TGFA: variants seen among roughly 807,000 people sequenced by gnomAD.
TGFA encodes protransforming growth factor alpha.
A neutral mutation model predicts 21.7 loss-of-function variants in TGFA; 12 were observed. The ratio of observed to expected loss-of-function variants is 0.55; its 90% confidence interval spans 0.35 to 0.90. The LOEUF is 0.90. Among genes scored for constraint, TGFA ranks in the 40% least tolerant of loss-of-function variants. TGFA has a pLI of 0.01. For synonymous variants in TGFA, 79 were observed against 88.1 expected (o/e 0.90, Z 0.58); for missense variants, 178 against 210.8 (o/e 0.84, Z 0.96).
chr2:70,514,760 T>A, intron 2 of TGFA, 99 bp downstream of exon 2: 1 of 1,287,586 alleles, frequency 7.8e-7, no homozygotes, highest in Non-Finnish European at 1.1e-6. Flanking sequence ...GTGTGCTCGG[T>A]GGGCAGGAGG....
At chr2:70,544,547 G>T (rs1673233176) in intron 1 of TGFA, among the ~76,000 whole-genome samples, 1 of 152,116 alleles carries the variant, frequency 6.6e-6, no homozygotes, top group Non-Finnish European at 1.5e-5. Context: ...TCCCACATTA[G>T]AACACAGGTC....
rs1348390522 is a variant in TGFA, at chr2:70,553,488, G to T, written c.40+240C>A. ...CACACTCCGCTTCCCCTTCCCAGGTGTTCTCACGCACGGCCCAGGCAGCCA... is the reference window on the plus strand; with the variant it reads ...CACACTCCGCTTCCCCTTCCCAGGTTTTCTCACGCACGGCCCAGGCAGCCA... On this transcript the variant is annotated intron_variant, in intron 1 of 5. Coordinates refer to ENST00000295400, the MANE Select transcript of TGFA (RefSeq NM_003236.4). 2.9e-6 allele frequency: 4 copies of T among 1,398,526 alleles called. No individual in the cohort carries two copies. In the Admixed American group the frequency reaches 1.3e-4, roughly 45 times the overall value. 86.6% of individuals were successfully genotyped at this position (1,398,526 alleles called of 1,614,324 possible). A position where few individuals can be genotyped will look rare whatever the true frequency, so the allele number is the denominator to read the frequency against.
chr2:70,532,946 G>T (rs1301320442), intron 1 of TGFA, among the ~76,000 whole-genome samples: 3 of 150,752 alleles, frequency 2.0e-5, no homozygotes, highest in Non-Finnish European at 2.9e-5. Context: ...CTGCAGCCTC[G>T]ACCTCCCTGG....
At chr2:70,484,475 T>C (rs17005682) in intron 2 of TGFA, among the ~76,000 whole-genome samples, 9,386 of 152,264 alleles carry the variant, frequency 0.062, 362 homozygotes, top group Middle Eastern at 0.12. Flanking sequence ...TTATTGAGCC[T>C]ATTTGTTTAT....
At chr2:70,478,899 A>T (rs2122129) in intron 2 of TGFA, among the ~76,000 whole-genome samples, 79,514 of 151,842 alleles carry the variant, frequency 0.52, 20,997 homozygotes, top group East Asian at 0.61. Context: ...TTTACATTTT[A>T]AAAAAATTTA....
intron 2 of TGFA, among the ~76,000 whole-genome samples, chr2:70,484,129 A>G (rs1671205440): frequency 6.6e-6 from 1 of 152,170 alleles, no homozygotes; most frequent in Non-Finnish European, 1.5e-5. Context: ...TCTCACTTCT[A>G]TAGCACATAT....
chr2:70,455,462 C>T (rs1000166490), intron 4 of TGFA, among the ~76,000 whole-genome samples: 1 of 152,216 alleles, frequency 6.6e-6, no homozygotes, highest in Non-Finnish European at 1.5e-5. Flanking sequence ...ACTGTCTCCA[C>T]CATGAGTTAA....
intron 1 of TGFA, among the ~76,000 whole-genome samples, chr2:70,533,067 C>T (rs1053147719): frequency 6.6e-6 from 1 of 151,828 alleles, no homozygotes; most frequent in African/African-American, 2.4e-5. Context: ...AGGGTTTCAC[C>T]ATATTGCCTG....
At chr2:70,492,734 C>G (rs1259285244) in intron 2 of TGFA, among the ~76,000 whole-genome samples, 4 of 152,100 alleles carry the variant, frequency 2.6e-5, no homozygotes, top group African/African-American at 9.7e-5. Flanking sequence ...ACTTCAAAAC[C>G]CAGGTTCCAT....
At chr2:70,468,338 G>C (rs1034206002) in intron 2 of TGFA, 21 of 152,254 alleles carry the variant, frequency 1.4e-4, no homozygotes, top group African/African-American at 5.1e-4. Flanking sequence ...CTGCAGGACT[G>C]CTGGGTCCAG....
At position 70,489,574 on chromosome 2, in the gene TGFA, C is replaced by T. The variant is rs113191128; in HGVS notation, c.95-23838G>A. Among the ~76,000 whole-genome samples the T allele has an allele frequency of 8.1e-3, 1,234 of 152,258 alleles. 15 individuals carry two copies. Among genetic ancestry groups the T allele is most frequent in the African/African-American group, 0.028 (1,178 of 41,534 alleles). On this transcript the variant is annotated intron_variant, in intron 2 of 5. Coordinates refer to ENST00000295400, the MANE Select transcript of TGFA (RefSeq NM_003236.4). ...ATGTCTGAGAGAGGGGCTTTTCCTT[C>T]GGTGCTTACAAATAAAATACAAAAA... is the stretch of plus-strand genomic sequence containing the variant.
intron 1 of TGFA, among the ~76,000 whole-genome samples, chr2:70,538,057 T>C (rs939518575): frequency 4.6e-5 from 7 of 152,228 alleles, no homozygotes; most frequent in Non-Finnish European, 7.3e-5. Context: ...AAAGTCCTTA[T>C]GCTATATCTA....
chr2:70,521,621 T>TTG (rs1553502309), intron 1 of TGFA, among the ~76,000 whole-genome samples: 7 of 127,060 alleles, frequency 5.5e-5, no homozygotes, highest in Non-Finnish European at 1.7e-5. Flanking sequence ...TTGTTTGTTT[T>TTG]TTTTTTTTTT....
chr2:70,485,900 A>G (rs1399353290), intron 2 of TGFA, among the ~76,000 whole-genome samples: 1 of 152,186 alleles, frequency 6.6e-6, no homozygotes, highest in Admixed American at 6.5e-5. Flanking sequence ...AATTGGCTAC[A>G]TCAGGGGCAA....
chr2:70,547,160 C>A (rs1673330677), intron 1 of TGFA, among the ~76,000 whole-genome samples: 1 of 152,172 alleles, frequency 6.6e-6, no homozygotes, highest in Non-Finnish European at 1.5e-5. Flanking sequence ...ATTCCCACAA[C>A]AATGTGTGGA....
intron 2 of TGFA, among the ~76,000 whole-genome samples, chr2:70,478,856 G>A (rs1470005558): frequency 6.6e-6 from 1 of 151,926 alleles, no homozygotes; most frequent in Admixed American, 6.6e-5. Flanking sequence ...CCCTTTTGTG[G>A]TGATTTAGAA....
chr2:70,516,306 T>C (rs1268923079), intron 1 of TGFA, among the ~76,000 whole-genome samples: 4 of 151,966 alleles, frequency 2.6e-5, no homozygotes, highest in African/African-American at 7.3e-5. Flanking sequence ...CTCTGCAGGC[T>C]GTGAGGGTTC....
chr2:70,540,766 A>C (rs1451357085), intron 1 of TGFA, among the ~76,000 whole-genome samples: 1 of 152,202 alleles, frequency 6.6e-6, no homozygotes, highest in Non-Finnish European at 1.5e-5. Context: ...AGATGACAAA[A>C]TATTTTCAGT....
At chr2:70,495,098 T>A (rs1370384655) in intron 2 of TGFA, among the ~76,000 whole-genome samples, 1 of 152,262 alleles carries the variant, frequency 6.6e-6, no homozygotes, top group Non-Finnish European at 1.5e-5. Context: ...CACCTAGAAC[T>A]TATTTTAGAA....
Sources: gnomAD v4.1 joint callset for allele counts (sites outside exome capture counted in the v4.1 genomes callset) on GRCh38, gnomAD v4.1.1 for gene constraint, MANE v1.5 for transcripts, NCBI Gene and HGNC (gene_info 2026-07-23, HGNC 2026-07-21) for gene names.